KYAT3: variants seen among roughly 807,000 people sequenced by gnomAD.
The protein encoded by KYAT3 is kynurenine aminotransferase 3, also known as kynurenine--oxoglutarate transaminase 3.
In KYAT3, 50 loss-of-function variants were observed where a neutral mutation model predicts 59.0. The ratio of observed to expected loss-of-function variants is 0.85; its 90% CI spans 0.68 to 1.07. KYAT3 has a LOEUF of 1.07. KYAT3 is among the 50% of genes least tolerant of loss of function. The pLI is 0.00. For synonymous variants in KYAT3, 148 were observed against 177.0 expected (o/e 0.84, Z 1.30); for missense variants, 497 against 533.3 (o/e 0.93, Z 0.67).
chr1:88,921,286 A>T, the KYAT3 span, among the ~76,000 whole-genome samples: 2 of 152,244 alleles, frequency 1.3e-5, no homozygotes, highest in Non-Finnish European at 2.9e-5. Context: ...AGGATTAAAA[A>T]GTCTCAAGAA....
At chr1:88,954,814 C>T (rs972253843) in intron 9 of KYAT3, among the ~76,000 whole-genome samples, 4 of 152,168 alleles carry the variant, frequency 2.6e-5, no homozygotes, top group African/African-American at 4.8e-5. Flanking sequence ...TGTTCTGTCT[C>T]CAAGTGGCTG....
At chr1:88,944,116 A>G (rs1430929877) in intron 11 of KYAT3, among the ~76,000 whole-genome samples, 1 of 152,164 alleles carries the variant, frequency 6.6e-6, no homozygotes, top group Non-Finnish European at 1.5e-5. Flanking sequence ...TGGGCAAGAT[A>G]TATCTCTGGC....
intron 8 of KYAT3, among the ~76,000 whole-genome samples, chr1:88,960,601 G>A (rs1412779214): frequency 2.6e-5 from 4 of 152,138 alleles, no homozygotes; most frequent in Non-Finnish European, 5.9e-5. Context: ...ATACCTGGAG[G>A]AAAAGTGTTT....
At chr1:88,922,581 T>A in the KYAT3 span, among the ~76,000 whole-genome samples, 8 of 152,166 alleles carry the variant, frequency 5.3e-5, no homozygotes, top group Admixed American at 5.2e-4. Context: ...CTGGGTTACA[T>A]GCTCCTTATG....
chr1:88,956,917 C>T (rs1442925228), intron 8 of KYAT3, among the ~76,000 whole-genome samples: 5 of 152,140 alleles, frequency 3.3e-5, no homozygotes, highest in Non-Finnish European at 7.3e-5. Context: ...ACAAGTTTTT[C>T]CACTTGTTTT....
At chr1:88,926,444 G>T in the KYAT3 span, among the ~76,000 whole-genome samples, 3 of 152,124 alleles carry the variant, frequency 2.0e-5, no homozygotes, top group African/African-American at 7.2e-5. Context: ...CCCACAATTA[G>T]TTGAGGGTAC....
At chr1:88,951,397 G>C (rs1031493963) in intron 10 of KYAT3, among the ~76,000 whole-genome samples, 3 of 151,816 alleles carry the variant, frequency 2.0e-5, no homozygotes, top group Admixed American at 2.0e-4. Context: ...ACCATGCCCA[G>C]CTAATTTTTG....
chr1:88,933,219 T>C (rs1287927366), downstream of KYAT3, among the ~76,000 whole-genome samples: 2 of 152,214 alleles, frequency 1.3e-5, no homozygotes, highest in Non-Finnish European at 2.9e-5. Flanking sequence ...TATATTTTAT[T>C]ATGTTTATGA....
chr1:88,962,131 C>T lies in KYAT3; in HGVS notation c.468G>A (p.Val156=), dbSNP rs1676172045. The T allele has an allele frequency of 6.2e-7, 1 of 1,612,298 alleles. No individual in the cohort carries two copies. The highest frequency in any genetic ancestry group is 8.5e-7 in the Non-Finnish European group (1 of 1,178,382). The change falls in exon 6 of 14, where the codon GTG becomes GTA. Residue 156 remains valine, a synonymous_variant. Coordinates refer to ENST00000260508, the MANE Select transcript of KYAT3 (RefSeq NM_001008661.3). ...IDEGDEVILI[V]PFYDCYEPMV... ...TGGGCTCATAGCAGTCATAGAAAGG[C>T]ACTATTAGTATGACCTGCAATAAAA...
chr1:88,948,091 CAAACAAAACAAAACAAAACA>C (rs58858903), intron 11 of KYAT3, among the ~76,000 whole-genome samples: 23 of 146,136 alleles, frequency 1.6e-4, no homozygotes, highest in Middle Eastern at 3.5e-3. Flanking sequence ...GACCCTGCCT[CAAACAAAACAAAACAAAACA>C]AAACAAAACA....
downstream of KYAT3, among the ~76,000 whole-genome samples, chr1:88,931,221 C>G (rs555999723): frequency 4.6e-5 from 7 of 152,332 alleles, no homozygotes; most frequent in Admixed American, 1.3e-4. Context: ...AGCAGATAGT[C>G]AGGGCCTGTG....
At chr1:88,934,366 A>G (rs1674971214), downstream of KYAT3, among the ~76,000 whole-genome samples, 1 of 152,132 alleles carries the variant, frequency 6.6e-6, no homozygotes, top group Non-Finnish European at 1.5e-5. Context: ...AGGCATGAGA[A>G]TTGCTTGAAC....
chr1:88,985,581 C>T (rs1229690870), intron 2 of KYAT3, among the ~76,000 whole-genome samples: 1 of 152,198 alleles, frequency 6.6e-6, no homozygotes, highest in East Asian at 1.9e-4. Context: ...CAAAATTAAA[C>T]ATCAAAACTC....
chr1:88,932,979 C>T (rs1227936066), downstream of KYAT3, among the ~76,000 whole-genome samples: 3 of 152,128 alleles, frequency 2.0e-5, no homozygotes, highest in Admixed American at 1.3e-4. Context: ...ATGCCAGGCA[C>T]CCTCCTGTCT....
intron 3 of KYAT3, 120 bp downstream of exon 3, chr1:88,969,289 A>G: frequency 1.5e-6 from 1 of 678,896 alleles, no homozygotes; most frequent in Non-Finnish European, 2.7e-6. Flanking sequence ...CATTTAATGG[A>G]TGAATTAAAT....
chr1:88,971,983 A>G (rs1310667040), intron 2 of KYAT3, among the ~76,000 whole-genome samples: 2 of 152,238 alleles, frequency 1.3e-5, no homozygotes, highest in African/African-American at 4.8e-5. Context: ...TTTCTACAGC[A>G]TATTTCTGGT....
chr1:88,972,443 A>T (rs149210288), intron 2 of KYAT3, among the ~76,000 whole-genome samples: 20 of 152,352 alleles, frequency 1.3e-4, no homozygotes, highest in African/African-American at 4.8e-4. Context: ...TAATTATCTG[A>T]TGAATGAATT....
chr1:88,958,327 T>C (rs531307682), intron 8 of KYAT3, among the ~76,000 whole-genome samples: 6 of 152,044 alleles, frequency 3.9e-5, no homozygotes, highest in Non-Finnish European at 8.8e-5. Flanking sequence ...TGCTATACTC[T>C]ATAGTTTCTA....
intron 2 of KYAT3, among the ~76,000 whole-genome samples, chr1:88,987,894 G>T (rs554272369): frequency 6.6e-6 from 1 of 152,278 alleles, no homozygotes; most frequent in African/African-American, 2.4e-5. Flanking sequence ...GCAGATGTAC[G>T]TATTGTATTT....
Sources: gnomAD v4.1 joint callset for allele counts (sites outside exome capture counted in the v4.1 genomes callset) on GRCh38, gnomAD v4.1.1 for gene constraint, MANE v1.5 for transcripts, NCBI Gene and HGNC (gene_info 2026-07-23, HGNC 2026-07-21) for gene names.